The following ZRANB3 variants were observed in gnomAD, a reference collection of about 807,000 sequenced individuals.
ZRANB3 encodes the protein zinc finger RANBP2-type containing 3.
Under a neutral mutation model 133.8 loss-of-function variants are expected in ZRANB3, and 125 were observed. The observed-to-expected ratio is 0.93, with a 90% CI of 0.81 to 1.08. The LOEUF is 1.08. ZRANB3 is among the 50% of genes least tolerant of loss of function. The pLI is 0.00. For missense variants in ZRANB3, 1,229 were observed against 1,275.5 expected (o/e 0.96, Z 0.56); for synonymous variants, 387 against 432.7 (o/e 0.89, Z 1.31).
intron 2 of ZRANB3, among the ~76,000 whole-genome samples, chr2:135,395,315 A>G (rs2104931594): frequency 6.6e-6 from 1 of 152,230 alleles, no homozygotes; most frequent in African/African-American, 2.4e-5. Flanking sequence ...GAATTAAACC[A>G]TCTCTCACCG....
At chr2:135,478,322 T>G (rs1691592282) in intron 2 of ZRANB3, among the ~76,000 whole-genome samples, 2 of 152,092 alleles carry the variant, frequency 1.3e-5, no homozygotes, top group Admixed American at 6.5e-5. Flanking sequence ...ATTCAAAAAT[T>G]TTCATAAAAA....
chr2:135,237,507 C>A (rs1695346707), intron 12 of ZRANB3, among the ~76,000 whole-genome samples: 1 of 151,052 alleles, frequency 6.6e-6, no homozygotes, highest in Non-Finnish European at 1.5e-5. Context: ...TTTATTGCGG[C>A]ATTATTCACA....
chr2:135,214,508 G>A (rs1018484137), intron 17 of ZRANB3, among the ~76,000 whole-genome samples: 13 of 152,044 alleles, frequency 8.6e-5, no homozygotes, highest in Admixed American at 2.0e-4. Flanking sequence ...ATCCATGTCC[G>A]ATGGAGAAGA....
At position 135,345,241 on chromosome 2, in the gene ZRANB3, TAATA is replaced by T. The variant is rs1415662515; in HGVS notation, c.677+305_677+308del. 21 of 200,894 alleles carry T rather than the reference TAATA, an allele frequency of 1.0e-4. No individual in the cohort carries two copies. In the East Asian group the frequency reaches 2.4e-3, roughly 23 times the overall value. 12.4% of individuals were successfully genotyped at this position (200,894 alleles called of 1,614,324 possible). A position where few individuals can be genotyped will look rare whatever the true frequency, so the allele number is the denominator to read the frequency against. ...GTAAAACACTGGAATAAAGAATGAT[TAATA>T]ACCTGAGGTCAGGAGTTCAAGACCA... On this transcript the variant is annotated intron_variant, in intron 6 of 20. Transcript: ENST00000264159.
intron 3 of ZRANB3, among the ~76,000 whole-genome samples, chr2:135,363,052 C>T (rs573678542): frequency 2.0e-5 from 3 of 152,224 alleles, no homozygotes; most frequent in Admixed American, 6.5e-5. Context: ...AGCTCTACAA[C>T]GTAGTAGCAG....
chr2:135,419,003 T>C (rs1258113545), intron 2 of ZRANB3, among the ~76,000 whole-genome samples: 1 of 139,250 alleles, frequency 7.2e-6, no homozygotes, highest in Non-Finnish European at 1.5e-5. Context: ...AGTGGTGCGA[T>C]CTCGGCTCGC....
chr2:135,289,704 A>C (rs776493798), intron 8 of ZRANB3, among the ~76,000 whole-genome samples: 2 of 152,194 alleles, frequency 1.3e-5, no homozygotes, highest in Non-Finnish European at 2.9e-5. Context: ...AAAGTTCAAG[A>C]TCAGCCTAGC....
At chr2:135,233,745 A>C (rs1695147315) in intron 12 of ZRANB3, among the ~76,000 whole-genome samples, 1 of 152,250 alleles carries the variant, frequency 6.6e-6, no homozygotes. Flanking sequence ...GCAAATGCTG[A>C]GAGATTTTGT....
chr2:135,380,961 G>A (rs1490865182), intron 3 of ZRANB3, among the ~76,000 whole-genome samples: 1 of 152,162 alleles, frequency 6.6e-6, no homozygotes, highest in Non-Finnish European at 1.5e-5. Flanking sequence ...ATTTCCAACT[G>A]AGGTACTGGG....
chr2:135,440,646 AAAG>A (rs1483529773), intron 2 of ZRANB3, among the ~76,000 whole-genome samples: 1 of 152,190 alleles, frequency 6.6e-6, no homozygotes, highest in Non-Finnish European at 1.5e-5. Context: ...CTGTGAACAA[AAAG>A]AAGGAGCTTG....
intron 2 of ZRANB3, among the ~76,000 whole-genome samples, chr2:135,435,111 T>C (rs1689477340): frequency 6.6e-6 from 1 of 152,130 alleles, no homozygotes; most frequent in South Asian, 2.1e-4. Context: ...TAGTACTCAA[T>C]AGTCATCTTT....
At chr2:135,457,218 G>A (rs975095777) in intron 2 of ZRANB3, among the ~76,000 whole-genome samples, 30 of 152,102 alleles carry the variant, frequency 2.0e-4, no homozygotes, top group African/African-American at 6.5e-4. Context: ...TGACTATTTG[G>A]CTTCATTCTA....
intron 2 of ZRANB3, among the ~76,000 whole-genome samples, chr2:135,483,973 G>T (rs1011522671): frequency 1.3e-4 from 20 of 152,312 alleles, no homozygotes; most frequent in Admixed American, 1.2e-3. Context: ...TGTGGTCTGA[G>T]AGAGAGTTTG....
At chr2:135,270,147 C>G (rs559934989) in intron 10 of ZRANB3, among the ~76,000 whole-genome samples, 1 of 151,800 alleles carries the variant, frequency 6.6e-6, no homozygotes, top group Non-Finnish European at 1.5e-5. Context: ...AATACAGAGA[C>G]AAATATATTA....
intron 6 of ZRANB3, among the ~76,000 whole-genome samples, chr2:135,334,794 C>T (rs964121617): frequency 3.3e-5 from 5 of 151,952 alleles, no homozygotes; most frequent in African/African-American, 1.2e-4. Context: ...ACTTAGGAGG[C>T]TGAGGCAAGA....
At chr2:135,467,776 GTC>G (rs918588656) in intron 2 of ZRANB3, among the ~76,000 whole-genome samples, 1 of 152,094 alleles carries the variant, frequency 6.6e-6, no homozygotes, top group South Asian at 2.1e-4. Context: ...CTTACTTTGT[GTC>G]TCTCTCTCAT....
intron 2 of ZRANB3, among the ~76,000 whole-genome samples, chr2:135,413,855 T>C (rs527252658): frequency 3.5e-4 from 53 of 151,990 alleles, no homozygotes; most frequent in Non-Finnish European, 5.9e-4. Context: ...CCAGCCAAAC[T>C]AGGCTTCATA....
intron 10 of ZRANB3, 149 bp from the exon 11 acceptor site, chr2:135,269,290 A>C (rs1467648954): frequency 1.7e-6 from 1 of 594,410 alleles, no homozygotes; most frequent in Admixed American, 3.9e-5. Flanking sequence ...AATTCATGAA[A>C]GGCAAATGAA....
intron 2 of ZRANB3, among the ~76,000 whole-genome samples, chr2:135,402,654 T>C (rs1019225193): frequency 6.6e-6 from 1 of 151,948 alleles, no homozygotes; most frequent in African/African-American, 2.4e-5. Context: ...TGGTGCGATC[T>C]TAGCTCACTG....
Sources: allele counts gnomAD v4.1 joint callset (sites outside exome capture counted in the v4.1 genomes callset), GRCh38; gene constraint gnomAD v4.1.1; transcripts MANE v1.5; gene names NCBI Gene and HGNC (gene_info 2026-07-23, HGNC 2026-07-21).